GPC5: variants seen among roughly 807,000 people sequenced by gnomAD.
GPC5 encodes glypican-5.
A neutral mutation model predicts 53.9 loss-of-function variants in GPC5; 47 were observed. That is an observed-to-expected ratio of 0.87 (90% confidence interval 0.69 to 1.11). The LOEUF is 1.11. Among genes scored for constraint, GPC5 ranks in the 50% most tolerant of loss-of-function variants. GPC5 has a pLI of 0.00. For synonymous variants in GPC5, 286 were observed against 263.3 expected, an observed-to-expected ratio of 1.09 and a Z score of -0.84; for missense variants, 748 against 713.1, an observed-to-expected ratio of 1.05 and a Z score of -0.56.
chr13:92,182,071 T>C (rs1218238401), intron 7 of GPC5, among the ~76,000 whole-genome samples: 3 of 152,202 alleles, frequency 2.0e-5, no homozygotes, highest in African/African-American at 4.8e-5. Flanking sequence ...TCATTTAACA[T>C]TTCAAATTTT....
intron 5 of GPC5, among the ~76,000 whole-genome samples, chr13:91,845,140 T>C (rs1250379017): frequency 6.6e-6 from 1 of 152,176 alleles, no homozygotes; most frequent in Non-Finnish European, 1.5e-5. Context: ...TGGATTCCTT[T>C]TTTATACTGT....
At chr13:91,501,240 G>GTT (rs140865584) in intron 2 of GPC5, among the ~76,000 whole-genome samples, 152 of 106,456 alleles carry the variant, frequency 1.4e-3, no homozygotes, top group Middle Eastern at 0.012. Flanking sequence ...TTAAGACTTT[G>GTT]TTTTTTTTTT....
At position 92,233,570 on chromosome 13, in the gene GPC5, C is replaced by T. The variant is rs138220471; in HGVS notation, c.1561+88581C>T. On this transcript the variant is annotated intron_variant, in intron 7 of 7. Transcript: ENST00000377067. ...AGACAGAATAAAAGGAAAAATCATACAATATGTATCTGATGTGGTGCTATA... is the reference window on the plus strand; with the variant it reads ...AGACAGAATAAAAGGAAAAATCATATAATATGTATCTGATGTGGTGCTATA... Among the ~76,000 whole-genome samples the T allele has an allele frequency of 4.6e-5, 7 of 152,244 alleles. No individual in the cohort carries two copies. The East Asian group carries it at 1.4e-3, about 29-fold the overall frequency.
intron 6 of GPC5, among the ~76,000 whole-genome samples, chr13:91,968,467 C>CTT (rs1176326023): frequency 6.7e-6 from 1 of 150,200 alleles, no homozygotes; most frequent in Non-Finnish European, 1.5e-5. Context: ...CTTTTTTTTT[C>CTT]TTTTTTTGTT....
chr13:92,507,634 T>C (rs1156289018), intron 7 of GPC5, among the ~76,000 whole-genome samples: 4 of 152,192 alleles, frequency 2.6e-5, no homozygotes, highest in African/African-American at 9.7e-5. Context: ...TAGCAGAATT[T>C]CTAAAAGCAA....
At chr13:91,688,311 C>A (rs562929498) in intron 2 of GPC5, among the ~76,000 whole-genome samples, 43 of 152,082 alleles carry the variant, frequency 2.8e-4, no homozygotes, top group African/African-American at 9.4e-4. Context: ...CAAAAAAATT[C>A]AAAATATGTT....
Position 92,643,885 on chromosome 13 carries a change from G to C in GPC5, c.1562-222397G>C, listed in dbSNP as rs9523743. On this transcript the variant is annotated intron_variant, in intron 7 of 7. Transcript: ENST00000377067. ...TAAAACTTAAAGTATAATAAAAAAA[G>C]AACACACACACACATAGCATATGTA... Among the ~76,000 whole-genome samples, 89 of 150,946 alleles carry C rather than the reference G, an allele frequency of 5.9e-4. 1 individual carries two copies. Among genetic ancestry groups the C allele is most frequent in the Non-Finnish European group, 1.0e-3 (70 of 67,666 alleles).
intron 7 of GPC5, among the ~76,000 whole-genome samples, chr13:92,375,844 G>A (rs1045245889): frequency 1.3e-5 from 2 of 152,122 alleles, no homozygotes; most frequent in Non-Finnish European, 2.9e-5. Flanking sequence ...AATCACATCT[G>A]CAAAATACCT....
At chr13:92,072,546 G>C (rs894148955) in intron 6 of GPC5, among the ~76,000 whole-genome samples, 1 of 149,062 alleles carries the variant, frequency 6.7e-6, no homozygotes, top group African/African-American at 2.5e-5. Context: ...TTACAGGCGT[G>C]AGCCACTGTG....
chr13:92,378,370 A>G (rs977839099), intron 7 of GPC5, among the ~76,000 whole-genome samples: 17 of 152,240 alleles, frequency 1.1e-4, no homozygotes, highest in Admixed American at 2.6e-4. Flanking sequence ...TCATTTCATC[A>G]TGAAAAGGAG....
At chr13:91,458,206 C>T (rs1408562483) in intron 2 of GPC5, among the ~76,000 whole-genome samples, 1 of 151,986 alleles carries the variant, frequency 6.6e-6, no homozygotes, top group Non-Finnish European at 1.5e-5. Flanking sequence ...TGGGCCTCAG[C>T]TGTCAGAGGA....
At chr13:92,031,390 C>CACAT (rs561049938) in intron 6 of GPC5, among the ~76,000 whole-genome samples, 21 of 151,910 alleles carry the variant, frequency 1.4e-4, no homozygotes, top group Non-Finnish European at 2.5e-4. Flanking sequence ...TTCCTCTGGG[C>CACAT]ACATACCCAG....
chr13:91,680,921 C>T (rs966276811), intron 2 of GPC5, among the ~76,000 whole-genome samples: 1 of 151,866 alleles, frequency 6.6e-6, no homozygotes, highest in Admixed American at 6.6e-5. Flanking sequence ...CTGTTTTTTA[C>T]AAAACCAGTA....
chr13:91,860,527 T>TC (rs1338643430), intron 5 of GPC5, among the ~76,000 whole-genome samples: 1 of 146,508 alleles, frequency 6.8e-6, no homozygotes, highest in Non-Finnish European at 1.5e-5. Flanking sequence ...CTTTATTTCT[T>TC]TTTTTTTTTT....
intron 6 of GPC5, among the ~76,000 whole-genome samples, chr13:92,122,619 T>TC (rs2041659491): frequency 7.7e-6 from 1 of 129,926 alleles, no homozygotes; most frequent in Non-Finnish European, 1.7e-5. Flanking sequence ...AACCTCACCT[T>TC]CCATTCAGCA....
chr13:92,008,490 A>G (rs1286413576), intron 6 of GPC5, among the ~76,000 whole-genome samples: 1 of 147,930 alleles, frequency 6.8e-6, no homozygotes, highest in Non-Finnish European at 1.5e-5. Context: ...TTTTTTTTTT[A>G]GTGCTGTTTG....
At chr13:92,592,130 C>T (rs185290518) in intron 7 of GPC5, among the ~76,000 whole-genome samples, 23 of 152,344 alleles carry the variant, frequency 1.5e-4, no homozygotes, top group African/African-American at 5.5e-4. Flanking sequence ...CCATATTCCA[C>T]CATTGCTCCT....
intron 7 of GPC5, among the ~76,000 whole-genome samples, chr13:92,229,749 C>T (rs1186364858): frequency 1.3e-5 from 2 of 148,820 alleles, no homozygotes; most frequent in Non-Finnish European, 2.9e-5. Flanking sequence ...TTCAGAGATA[C>T]AGAAAAGTTA....
In GPC5 at chr13:92,523,921, T is replaced by C. The variant is rs1881171643; in HGVS notation, c.1562-342361T>C. Among the ~76,000 whole-genome samples the C allele has an allele frequency of 1.3e-5, 2 of 152,132 alleles. 1 individual carries two copies. Among genetic ancestry groups the C allele is most frequent in the Non-Finnish European group, 2.9e-5 (2 of 67,988 alleles). On this transcript the variant is annotated intron_variant, in intron 7 of 7. Coordinates refer to ENST00000377067, the MANE Select transcript of GPC5 (RefSeq NM_004466.6). ...AATAAAATGTGTATGTATCTTAATT[T>C]TAAAAATAATTTATTGTTAAAAATT...
Sources: allele counts gnomAD v4.1 joint callset (sites outside exome capture counted in the v4.1 genomes callset), GRCh38; gene constraint gnomAD v4.1.1; transcripts MANE v1.5; gene names NCBI Gene and HGNC (gene_info 2026-07-23, HGNC 2026-07-21).